The following SDK1 variants were observed in gnomAD, a reference collection of about 807,000 sequenced individuals.
The protein encoded by SDK1 is sidekick cell adhesion molecule 1.
SDK1 carries 157 observed loss-of-function variants against 245.5 expected under a neutral mutation model. The ratio of observed to expected loss-of-function variants is 0.64; its 90% CI spans 0.56 to 0.73. The LOEUF (loss-of-function observed/expected upper bound fraction) is 0.73. SDK1 is among the 30% of genes least tolerant of loss of function. SDK1 has a pLI of 0.00. For missense variants in SDK1, 3,583 were observed against 3,002.3 expected, an observed-to-expected ratio of 1.19 and a Z score of -4.52; for synonymous variants, 1,647 against 1,278.5, an observed-to-expected ratio of 1.29 and a Z score of -6.15.
intron 1 of SDK1, among the ~76,000 whole-genome samples, chr7:3,556,503 A>T (rs1030711041): frequency 2.3e-4 from 35 of 152,130 alleles, no homozygotes; most frequent in African/African-American, 7.7e-4. Flanking sequence ...CAGGGTGACT[A>T]AAGTCAATAA....
At chr7:4,213,541 C>T (rs928725139) in intron 38 of SDK1, among the ~76,000 whole-genome samples, 2 of 151,746 alleles carry the variant, frequency 1.3e-5, no homozygotes, top group African/African-American at 2.4e-5. Context: ...GCTGAGATCG[C>T]ACCACTGCAC....
At chr7:3,501,458 T>G (rs2128608265) in intron 1 of SDK1, among the ~76,000 whole-genome samples, 1 of 152,278 alleles carries the variant, frequency 6.6e-6, no homozygotes, top group Middle Eastern at 3.4e-3. Flanking sequence ...GGCCTGTGCG[T>G]AAAATGCTTT....
chr7:3,511,736 T>G (rs1425440449), intron 1 of SDK1, among the ~76,000 whole-genome samples: 3 of 151,876 alleles, frequency 2.0e-5, no homozygotes, highest in Non-Finnish European at 4.4e-5. Context: ...AAGCAAAAAA[T>G]AAGCATACAA....
chr7:3,400,609 A>G (rs972565917), intron 1 of SDK1, among the ~76,000 whole-genome samples: 2 of 152,174 alleles, frequency 1.3e-5, no homozygotes, highest in African/African-American at 2.4e-5. Flanking sequence ...AGTAAAGTAC[A>G]GGATTCTGGA....
At chr7:3,563,255 G>A (rs1357023329) in intron 1 of SDK1, among the ~76,000 whole-genome samples, 2 of 152,128 alleles carry the variant, frequency 1.3e-5, no homozygotes, top group South Asian at 2.1e-4. Flanking sequence ...ATGAAAAAAA[G>A]CTGGAAAAGT....
At chr7:3,805,600 C>G (rs1031310568) in intron 4 of SDK1, among the ~76,000 whole-genome samples, 2 of 152,180 alleles carry the variant, frequency 1.3e-5, no homozygotes, top group Admixed American at 6.5e-5. Flanking sequence ...CCAGTGGAGA[C>G]TGTAGACTGT....
intron 7 of SDK1, among the ~76,000 whole-genome samples, chr7:3,953,123 A>G (rs1439967808): frequency 6.6e-6 from 1 of 151,438 alleles, no homozygotes; most frequent in Non-Finnish European, 1.5e-5. Context: ...ACCCTCAGAG[A>G]GCCCCTTAAA....
intron 4 of SDK1, among the ~76,000 whole-genome samples, chr7:3,653,356 A>G (rs1044779640): frequency 6.6e-6 from 1 of 152,158 alleles, no homozygotes. Context: ...CACTTGGGGT[A>G]TTTGAAATCT....
intron 17 of SDK1, among the ~76,000 whole-genome samples, chr7:4,038,228 A>C (rs1184221971): frequency 6.6e-6 from 1 of 152,250 alleles, no homozygotes; most frequent in Middle Eastern, 3.2e-3. Flanking sequence ...CTGAGGCCTC[A>C]GCTACTGCCA....
chr7:3,442,494 C>A (rs146547503), intron 1 of SDK1, among the ~76,000 whole-genome samples: 2 of 152,296 alleles, frequency 1.3e-5, no homozygotes, highest in East Asian at 3.9e-4. Flanking sequence ...CCTCCTAAGA[C>A]CTCTCTTTTA....
intron 17 of SDK1, among the ~76,000 whole-genome samples, chr7:4,047,411 AT>A (rs67456493): frequency 0.31 from 47,717 of 151,988 alleles, 11,679 homozygotes; most frequent in African/African-American, 0.69. Flanking sequence ...TTTGTTGAGG[AT>A]TTTTTTGAAT....
chr7:4,264,736 C>T (rs564234336), intron 44 of SDK1, among the ~76,000 whole-genome samples: 170 of 144,792 alleles, frequency 1.2e-3, no homozygotes, highest in African/African-American at 4.0e-3. Flanking sequence ...TAAGGAAGGC[C>T]GTGTAGACCT....
In SDK1 at chr7:4,079,750, A is replaced by G. The variant is rs541351912; in HGVS notation, c.3324+166A>G. On this transcript the variant is annotated intron_variant, in intron 22 of 44. Coordinates refer to ENST00000404826, the MANE Select transcript of SDK1 (RefSeq NM_152744.4). Reference sequence around the variant, plus strand: ...TAGCCCAGATACCAGGGCAGAATGTAGGAAGACAAAGAACAAGATGTCAGG... The same window carrying G: ...TAGCCCAGATACCAGGGCAGAATGTGGGAAGACAAAGAACAAGATGTCAGG... Among the ~76,000 whole-genome samples the G allele has an allele frequency of 2.0e-5, 3 of 152,354 alleles. No homozygotes were observed. In the South Asian group the frequency reaches 6.2e-4, roughly 32 times the overall value.
chr7:3,530,860 T>C lies in SDK1; in HGVS notation c.299-88220T>C, dbSNP rs10280172. Among the ~76,000 whole-genome samples, 331 of 152,324 alleles carry C rather than the reference T, an allele frequency of 2.2e-3. 4 individuals carry two copies. Among genetic ancestry groups the C allele is most frequent in the African/African-American group, 7.7e-3 (319 of 41,576 alleles). On this transcript the variant is annotated intron_variant, in intron 1 of 44. Transcript: ENST00000404826. ...TTTCTGAAAGAATTAATCACTTATT[T>C]CCCTATGCATAAAAACATTGTCCAC...
At chr7:3,628,322 GTA>G (rs1243685469) in intron 2 of SDK1, among the ~76,000 whole-genome samples, 1 of 151,896 alleles carries the variant, frequency 6.6e-6, no homozygotes, top group Non-Finnish European at 1.5e-5. Flanking sequence ...TTAGGCTAGA[GTA>G]TATATATATG....
intron 1 of SDK1, among the ~76,000 whole-genome samples, chr7:3,522,724 A>G (rs1265501884): frequency 6.6e-6 from 1 of 152,174 alleles, no homozygotes; most frequent in Non-Finnish European, 1.5e-5. Context: ...TAATCTGCAG[A>G]GGTGCTATCC....
At chr7:3,665,878 TGAA>T (rs1783514647) in intron 4 of SDK1, among the ~76,000 whole-genome samples, 1 of 152,194 alleles carries the variant, frequency 6.6e-6, no homozygotes, top group Admixed American at 6.5e-5. Flanking sequence ...GACTTAGTGA[TGAA>T]GATGTTTCCT....
chr7:3,444,051 G>A (rs762777514), intron 1 of SDK1, among the ~76,000 whole-genome samples: 12 of 152,204 alleles, frequency 7.9e-5, no homozygotes, highest in Admixed American at 1.3e-4. Flanking sequence ...TCCTGCCTGC[G>A]CCAGCTCTCT....
chr7:3,868,398 C>G (rs926331657), intron 5 of SDK1, among the ~76,000 whole-genome samples: 1 of 152,104 alleles, frequency 6.6e-6, no homozygotes, highest in Admixed American at 6.5e-5. Context: ...TGTGGAGGAA[C>G]TATACTTTAT....
Sources: allele counts gnomAD v4.1 joint callset (sites outside exome capture counted in the v4.1 genomes callset), GRCh38; gene constraint gnomAD v4.1.1; transcripts MANE v1.5; gene names NCBI Gene and HGNC (gene_info 2026-07-23, HGNC 2026-07-21).